The following NF1 variants were observed in gnomAD, a reference collection of about 807,000 sequenced individuals.
NF1 encodes neurofibromin.
In NF1, 122 loss-of-function variants were observed where a neutral mutation model predicts 325.7. The ratio of observed to expected loss-of-function variants is 0.37; its 90% CI spans 0.32 to 0.44. The LOEUF (loss-of-function observed/expected upper bound fraction) is 0.44. Ranked by LOEUF, NF1 falls within the 20% of genes least tolerant of loss-of-function variation. The pLI, the probability that NF1 is intolerant of heterozygous loss-of-function variation, is 1.00. For synonymous variants in NF1, 1,091 were observed against 1,186.0 expected, an observed-to-expected ratio of 0.92 and a Z score of 1.65; for missense variants, 2,140 against 3,415.4, an observed-to-expected ratio of 0.63 and a Z score of 9.31.
chr17:31,133,334 A>C (rs925781241), intron 1 of NF1: 1 of 152,234 alleles, frequency 6.6e-6, no homozygotes, highest in African/African-American at 2.4e-5. Context: ...TACCTTTTAA[A>C]GGCTGAATAA....
rs773712266 is a variant in NF1 at position 31,219,070 on chromosome 17, A to C, written c.1593A>C (p.Gln531His). Residue 531 changes from glutamine (Q) to histidine (H), a missense_variant, in exon 14 of 58, where the codon CAA (glutamine) becomes CAC (histidine). Physicochemically the swap from Gln to His is conservative, Grantham distance 24. Around this residue, in one of 10 missense-constraint regions of NF1, gnomAD observed 179 missense variants for 381.0 expected, o/e 0.47. Coordinates refer to ENST00000358273, the MANE Select transcript of NF1 (RefSeq NM_001042492.3). ...CAGAATTAATTACAGGGCTCGTCCA[A>C]CTGGTCCCTCAGTCACACATGCCAG... ...STAELITGLV[Q>H]LVPQSHMPEI... is the part of the protein sequence containing the mutation. The C allele has an allele frequency of 6.2e-7, 1 of 1,613,938 alleles. No individual in the cohort carries two copies. Among genetic ancestry groups the C allele is most frequent in the Non-Finnish European group, 8.5e-7 (1 of 1,179,906 alleles).
At chr17:31,348,453 T>C (rs1051733499) in intron 48 of NF1, among the ~76,000 whole-genome samples, 1 of 147,834 alleles carries the variant, frequency 6.8e-6, no homozygotes. Flanking sequence ...ATTGAGTCAC[T>C]CAATAAGTCT....
At position 31,327,756 on chromosome 17, in the gene NF1, C is replaced by A; in HGVS notation, c.5526C>A (p.His1842Gln). Residue 1842 changes from histidine to glutamine, a missense_variant, in exon 38 of 58, where the codon CAC (histidine) becomes CAA (glutamine). Transcript: ENST00000358273. ...ELSQPDSIPQHTKIRPKDVPG... is the reference protein window; with the variant it reads ...ELSQPDSIPQQTKIRPKDVPG... ...CACAGCCCGACTCTATCCCCCAACA[C>A]ACCAAGATTCGGCCAAAAGATGTCC... is the stretch of plus-strand genomic sequence containing the variant. 1 of 1,614,134 alleles carries A rather than the reference C, an allele frequency of 6.2e-7. No homozygotes were observed. Among genetic ancestry groups the A allele is most frequent in the Non-Finnish European group, 8.5e-7 (1 of 1,179,992 alleles).
At chr17:31,358,903 A>G in intron 55 of NF1, 66 bp from the exon 56 acceptor site, 1 of 1,389,978 alleles carries the variant, frequency 7.2e-7, no homozygotes, top group East Asian at 2.3e-5. Flanking sequence ...TATATGACTT[A>G]TTTAATTTCT....
At chr17:31,302,873 A>C (rs1319979746) in intron 36 of NF1, among the ~76,000 whole-genome samples, 1 of 152,168 alleles carries the variant, frequency 6.6e-6, no homozygotes, top group African/African-American at 2.4e-5. Flanking sequence ...TGAAGAATAC[A>C]TGAAAGAAAA....
intron 5 of NF1, among the ~76,000 whole-genome samples, chr17:31,179,664 T>C (rs2066089051): frequency 6.6e-6 from 1 of 151,902 alleles, no homozygotes; most frequent in Non-Finnish European, 1.5e-5. Flanking sequence ...GCACCTGTAG[T>C]CCCAGCTACT....
At chr17:31,145,088 T>C (rs779810417) in intron 1 of NF1, among the ~76,000 whole-genome samples, 6 of 152,214 alleles carry the variant, frequency 3.9e-5, no homozygotes, top group Non-Finnish European at 8.8e-5. Context: ...ACATTGGCCC[T>C]CTTGCTAGGC....
chr17:31,293,277 G>T (rs915313965), intron 36 of NF1, among the ~76,000 whole-genome samples: 1 of 150,768 alleles, frequency 6.6e-6, no homozygotes, highest in African/African-American at 2.4e-5. Flanking sequence ...ATGTGGTAGA[G>T]TAGGGATTAT....
intron 5 of NF1, among the ~76,000 whole-genome samples, chr17:31,173,597 T>C (rs1204563914): frequency 7.1e-6 from 1 of 140,218 alleles, no homozygotes; most frequent in Non-Finnish European, 1.5e-5. Context: ...AAACTCCATC[T>C]AAAAAAAAAA....
At chr17:31,318,793 GA>G (rs2069097974) in intron 36 of NF1, 3 of 1,613,988 alleles carry the variant, frequency 1.9e-6, no homozygotes, top group Non-Finnish European at 2.5e-6. Flanking sequence ...CATGTTTGTA[GA>G]ATTACCTTTA....
At chr17:31,184,665 A>T (rs79714242) in intron 8 of NF1, among the ~76,000 whole-genome samples, 6 of 148,088 alleles carry the variant, frequency 4.1e-5, no homozygotes, top group Non-Finnish European at 7.4e-5. Flanking sequence ...AAAAATAAAA[A>T]AAAAAAATAA....
intron 57 of NF1, among the ~76,000 whole-genome samples, chr17:31,367,498 C>G (rs541297453): frequency 6.6e-6 from 1 of 152,044 alleles, no homozygotes; most frequent in Non-Finnish European, 1.5e-5. Context: ...TAATACCCAC[C>G]CAGAACAATG....
chr17:31,336,530 G>A lies in NF1; in HGVS notation c.6147+57G>A. The A allele has an allele frequency of 1.2e-6, 2 of 1,608,704 alleles. No individual in the cohort carries two copies. Among genetic ancestry groups the A allele is most frequent in the South Asian group, 2.2e-5 (2 of 90,478 alleles). On this transcript the variant is annotated intron_variant, in intron 41 of 57. Coordinates refer to ENST00000358273, the MANE Select transcript of NF1 (RefSeq NM_001042492.3). The surrounding 1 kb of genome is among the most constrained non-coding windows in gnomAD (Gnocchi z 5.5). ...AGCATATCTGTTTTATCATCAGGAG[G>A]TTTTTTGTTTTGTAATTACTTTTAA...
rs760085677 is a variant in NF1, at chr17:31,340,496, C to G, written c.6922-9C>G. 1.2e-6 allele frequency: 2 copies of G among 1,614,180 alleles called. No homozygotes were observed. Among genetic ancestry groups the G allele is most frequent in the Non-Finnish European group, 1.7e-6 (2 of 1,180,010 alleles). On this transcript the variant is annotated splice_polypyrimidine_tract_variant and intron_variant, in intron 46 of 57. Coordinates refer to ENST00000358273, the MANE Select transcript of NF1 (RefSeq NM_001042492.3). The stretch of plus-strand genomic sequence containing the variant: ...ATCTTACTAGCCTCAAACATATCTT[C>G]TTTGCCAGGACTCGCCTCTGCACAA...
intron 1 of NF1, among the ~76,000 whole-genome samples, chr17:31,140,321 A>G (rs771832397): frequency 2.0e-5 from 3 of 152,176 alleles, no homozygotes; most frequent in Admixed American, 6.5e-5. Context: ...TGAGAGATTA[A>G]TTGAGATAAT....
At chr17:31,141,715 C>A (rs1275340394) in intron 1 of NF1, among the ~76,000 whole-genome samples, 1 of 152,138 alleles carries the variant, frequency 6.6e-6, no homozygotes, top group African/African-American at 2.4e-5. Flanking sequence ...TAGCTGGATG[C>A]CTCTGGAGCA....
intron 1 of NF1, among the ~76,000 whole-genome samples, chr17:31,101,764 A>T (rs530026110): frequency 6.6e-6 from 1 of 150,748 alleles, no homozygotes; most frequent in Non-Finnish European, 1.5e-5. Flanking sequence ...CTGCTATCTC[A>T]CTTCTTGGTA....
At chr17:31,236,179 A>G (rs2067200799) in intron 29 of NF1, among the ~76,000 whole-genome samples, 158 bp downstream of exon 29, 1 of 151,984 alleles carries the variant, frequency 6.6e-6, no homozygotes, top group East Asian at 1.9e-4. Context: ...TTCTTTAATG[A>G]TATCTGTAAT....
chr17:31,358,548 C>G lies in NF1; in HGVS notation c.8039C>G (p.Pro2680Arg), dbSNP rs2151584968. ...TGCCAAGATCCAAATTTGTTAAATC[C>G]AATCCATGGAATTGTGCAGAGTGTG... is the stretch of plus-strand genomic sequence containing the variant. The part of the protein sequence containing the change: ...SLCQDPNLLN[P>R]IHGIVQSVVY... The change falls in exon 55 of 58, where the codon CCA becomes CGA. Residue 2680 changes from proline (P) to arginine (R), a missense_variant. Transcript: ENST00000358273. 2 of 1,613,826 alleles carry G rather than the reference C, an allele frequency of 1.2e-6. No individual in the cohort carries two copies. Among genetic ancestry groups the G allele is most frequent in the Non-Finnish European group, 1.7e-6 (2 of 1,179,860 alleles).
Sources: gnomAD v4.1 joint callset for allele counts (sites outside exome capture counted in the v4.1 genomes callset) on GRCh38, gnomAD v4.1.1 for gene constraint, gnomAD v4.1.1 regional missense constraint, Gnocchi (gnomAD v3.1) non-coding constraint, MANE v1.5 for transcripts, NCBI Gene and HGNC (gene_info 2026-07-23, HGNC 2026-07-21) for gene names.